SORBS2: variants seen among roughly 807,000 people sequenced by gnomAD.
The protein encoded by SORBS2 is sorbin and SH3 domain-containing protein 2.
Under a neutral mutation model 97.7 loss-of-function variants are expected in SORBS2, and 46 were observed. That is an observed-to-expected ratio of 0.47 (90% CI 0.37 to 0.60). SORBS2 has a LOEUF of 0.60. SORBS2 is among the 20% of genes least tolerant of loss of function. The pLI is 0.00. For missense variants in SORBS2, 1,316 were observed against 1,282.3 expected, an observed-to-expected ratio of 1.03 and a Z score of -0.40; for synonymous variants, 476 against 473.4, an observed-to-expected ratio of 1.01 and a Z score of -0.07.
At chr4:185,620,023 G>A in intron 8 of SORBS2, 40 bp downstream of exon 20, 1 of 1,209,726 alleles carries the variant, frequency 8.3e-7, no homozygotes, top group Non-Finnish European at 1.2e-6. Flanking sequence ...TGTATCAAGT[G>A]TGTTGCTGTG....
At chr4:185,737,419 G>A (rs948955163) in intron 2 of SORBS2, among the ~76,000 whole-genome samples, 21 of 152,294 alleles carry the variant, frequency 1.4e-4, no homozygotes, top group East Asian at 1.9e-4. Flanking sequence ...TGGCTGTACC[G>A]TTTAGGGAGG....
intron 1 of SORBS2, among the ~76,000 whole-genome samples, chr4:185,945,776 AG>A (rs1358519166): frequency 6.6e-6 from 1 of 152,190 alleles, no homozygotes; most frequent in Non-Finnish European, 1.5e-5. Context: ...GTGTGTGAGC[AG>A]GGGCTTGCTG....
chr4:185,861,674 T>C (rs1036130767), intron 1 of SORBS2, among the ~76,000 whole-genome samples: 1 of 151,942 alleles, frequency 6.6e-6, no homozygotes, highest in East Asian at 1.9e-4. Context: ...GGTGCGATCT[T>C]GGCTTACTGC....
chr4:185,599,645 T>A (rs1238762702), intron 12 of SORBS2, among the ~76,000 whole-genome samples: 37 of 152,234 alleles, frequency 2.4e-4, no homozygotes, highest in Admixed American at 2.4e-3. Flanking sequence ...GTTTTTTCTT[T>A]GCAGGAGAAA....
chr4:185,911,537 T>C (rs28408604), intron 1 of SORBS2, among the ~76,000 whole-genome samples: 1 of 152,040 alleles, frequency 6.6e-6, no homozygotes, highest in African/African-American at 2.4e-5. Flanking sequence ...ATTTTCTCCT[T>C]GAGTGCGCAA....
At chr4:185,597,176 G>A (rs2096123939) in intron 12 of SORBS2, among the ~76,000 whole-genome samples, 1 of 152,184 alleles carries the variant, frequency 6.6e-6, no homozygotes, top group Non-Finnish European at 1.5e-5. Flanking sequence ...ATCTAAGACG[G>A]CTCATCTGCG....
exon 15 of SORBS2, chr4:185,587,420 C>T: frequency 1.8e-6 from 1 of 556,838 alleles, no homozygotes; most frequent in Non-Finnish European, 3.2e-6. Flanking sequence ...GGAATCCACA[C>T]TTTCACGGAG....
At position 185,612,036 on chromosome 4, in the gene SORBS2, A is replaced by G; in HGVS notation, c.2596-56T>C. The G allele has an allele frequency of 3.4e-6, 4 of 1,190,712 alleles. 1 individual carries two copies. In the Admixed American group the frequency reaches 6.2e-5, roughly 19 times the overall value. 73.8% of individuals were successfully genotyped at this position (1,190,712 alleles called of 1,614,324 possible). A position where few individuals can be genotyped will look rare whatever the true frequency, so the allele number is the denominator to read the frequency against. On this transcript the variant is annotated intron_variant, in intron 11 of 14. Transcript: ENST00000418609. ...AACAGAGATAGAATAACATGAAAAT[A>G]TAATTGTCAATGTTTTCTATGAAAA... is the stretch of plus-strand genomic sequence containing the variant.
At chr4:185,747,979 A>G (rs576616991) in intron 2 of SORBS2, among the ~76,000 whole-genome samples, 2 of 152,084 alleles carry the variant, frequency 1.3e-5, no homozygotes, top group South Asian at 2.1e-4. Flanking sequence ...TAACAGAGTG[A>G]GACTCAGTTT....
At chr4:185,853,812 A>C (rs1183257699) in intron 1 of SORBS2, among the ~76,000 whole-genome samples, 1 of 152,226 alleles carries the variant, frequency 6.6e-6, no homozygotes, top group African/African-American at 2.4e-5. Flanking sequence ...TGAGGAAGAA[A>C]CAGAGGGAAA....
intron 2 of SORBS2, among the ~76,000 whole-genome samples, chr4:185,761,812 T>C (rs1034417421): frequency 6.6e-6 from 1 of 152,228 alleles, no homozygotes; most frequent in African/African-American, 2.4e-5. Flanking sequence ...TTGCCAGCCC[T>C]GCCTTTTATC....
chr4:185,626,884 A>G (rs1348976521), exon 6 of SORBS2: 3 of 1,614,228 alleles, frequency 1.9e-6, no homozygotes, highest in Non-Finnish European at 2.5e-6. Context: ...ACTTTGTAAG[A>G]GTGGTGCTTG....
chr4:185,724,517 C>A (rs2098541861), intron 2 of SORBS2, among the ~76,000 whole-genome samples: 1 of 152,034 alleles, frequency 6.6e-6, no homozygotes, highest in South Asian at 2.1e-4. Context: ...GTGTTCTAAC[C>A]TAACTTTCCT....
chr4:185,618,971 A>G (rs1428583078), intron 8 of SORBS2, among the ~76,000 whole-genome samples: 2 of 152,322 alleles, frequency 1.3e-5, no homozygotes, highest in Admixed American at 6.5e-5. Flanking sequence ...TGGAGGGTCA[A>G]TGGCTCTATG....
intron 4 of SORBS2, chr4:185,646,322 A>C (rs974248290): frequency 2.4e-5 from 4 of 168,710 alleles, no homozygotes; most frequent in Admixed American, 6.2e-5. Flanking sequence ...GCACAGTTAG[A>C]GTTACATGCA....
At chr4:185,847,497 G>A (rs1300410614) in intron 1 of SORBS2, among the ~76,000 whole-genome samples, 1 of 152,048 alleles carries the variant, frequency 6.6e-6, no homozygotes, top group Non-Finnish European at 1.5e-5. Flanking sequence ...ATCCTCGCAG[G>A]ATCTGGGGTC....
At chr4:185,629,129 T>C (rs10006389) in intron 5 of SORBS2, among the ~76,000 whole-genome samples, 61,811 of 151,928 alleles carry the variant, frequency 0.41, 12,833 homozygotes, top group South Asian at 0.53. Flanking sequence ...AATGGTAAAG[T>C]GAATACATGT....
intron 1 of SORBS2, among the ~76,000 whole-genome samples, chr4:185,780,841 C>T (rs1250804214): frequency 6.6e-6 from 1 of 152,176 alleles, no homozygotes; most frequent in Non-Finnish European, 1.5e-5. Flanking sequence ...GTTAAAGGAC[C>T]AGTATCATTG....
At chr4:185,843,908 G>A (rs947000922) in intron 1 of SORBS2, among the ~76,000 whole-genome samples, 2 of 152,192 alleles carry the variant, frequency 1.3e-5, no homozygotes, top group African/African-American at 2.4e-5. Flanking sequence ...AAGTAGAATA[G>A]CCTAAGCAAT....
Sources: gnomAD v4.1 joint callset for allele counts (sites outside exome capture counted in the v4.1 genomes callset) on GRCh38, gnomAD v4.1.1 for gene constraint, MANE v1.5 for transcripts, NCBI Gene and HGNC (gene_info 2026-07-23, HGNC 2026-07-21) for gene names.